The following AUTS2 variants were observed in gnomAD, a reference collection of about 807,000 sequenced individuals.
AUTS2 encodes autism susceptibility gene 2 protein.
Under a neutral mutation model 112.4 loss-of-function variants are expected in AUTS2, and 17 were observed. The ratio of observed to expected loss-of-function variants is 0.15; its 90% CI spans 0.10 to 0.23. The LOEUF is 0.23. Among genes scored for constraint, AUTS2 ranks in the 10% least tolerant of loss-of-function variants. The probability of loss-of-function intolerance (pLI) is 1.00; values close to 1 mark genes in which losing one functional copy is unlikely to be tolerated. For missense variants in AUTS2, 1,510 were observed against 1,701.6 expected (o/e 0.89, Z 1.98); for synonymous variants, 751 against 702.7 (o/e 1.07, Z -1.09).
intron 4 of AUTS2, among the ~76,000 whole-genome samples, chr7:70,242,738 C>T (rs1188313918): frequency 3.3e-5 from 5 of 152,120 alleles, no homozygotes; most frequent in African/African-American, 9.7e-5. Flanking sequence ...TGTGCACGTG[C>T]GCACATGTGA....
chr7:69,823,424 G>A (rs1204486790), intron 1 of AUTS2, among the ~76,000 whole-genome samples: 1 of 152,158 alleles, frequency 6.6e-6, no homozygotes. Flanking sequence ...CTTGAAAGGA[G>A]CCTGCTTGTT....
At chr7:69,940,400 C>T (rs1796581177) in intron 2 of AUTS2, among the ~76,000 whole-genome samples, 1 of 152,106 alleles carries the variant, frequency 6.6e-6, no homozygotes, top group African/African-American at 2.4e-5. Context: ...GGTGAGGGCT[C>T]ATGGACAAAA....
At chr7:70,079,833 T>A (rs1454313236) in intron 2 of AUTS2, among the ~76,000 whole-genome samples, 2 of 152,124 alleles carry the variant, frequency 1.3e-5, no homozygotes, top group Non-Finnish European at 2.9e-5. Flanking sequence ...GCAATAGAAG[T>A]TTATTTGGCA....
chr7:70,467,466 T>A (rs1797211039), intron 5 of AUTS2, among the ~76,000 whole-genome samples: 2 of 152,106 alleles, frequency 1.3e-5, no homozygotes, highest in South Asian at 2.1e-4. Context: ...GAGAAAGTAG[T>A]GTGTTTAGGT....
At chr7:69,665,069 G>T (rs983269717) in intron 1 of AUTS2, among the ~76,000 whole-genome samples, 1 of 152,142 alleles carries the variant, frequency 6.6e-6, no homozygotes, top group African/African-American at 2.4e-5. Context: ...GTAAAACAGG[G>T]TTGGTAAAAT....
intron 4 of AUTS2, among the ~76,000 whole-genome samples, chr7:70,147,660 G>A (rs1311061519): frequency 6.6e-6 from 1 of 152,064 alleles, no homozygotes; most frequent in Non-Finnish European, 1.5e-5. Context: ...TCATTTACAC[G>A]GGTGTACCAA....
intron 5 of AUTS2, among the ~76,000 whole-genome samples, chr7:70,461,339 C>T (rs1052491455): frequency 6.6e-6 from 1 of 152,010 alleles, no homozygotes; most frequent in African/African-American, 2.4e-5. Flanking sequence ...TTTGAACTTA[C>T]CCTCCCATTT....
chr7:70,535,342 C>T (rs1462727587), intron 5 of AUTS2, among the ~76,000 whole-genome samples: 1 of 152,010 alleles, frequency 6.6e-6, no homozygotes, highest in Non-Finnish European at 1.5e-5. Flanking sequence ...GAATAAGTAA[C>T]AATTCTGCAC....
intron 1 of AUTS2, among the ~76,000 whole-genome samples, chr7:69,703,677 TAAAC>T (rs1797925618): frequency 6.6e-6 from 1 of 152,164 alleles, no homozygotes; most frequent in African/African-American, 2.4e-5. Context: ...ACAGTCCACT[TAAAC>T]AATAAAATAG....
chr7:69,677,321 A>G (rs1796607069), intron 1 of AUTS2, among the ~76,000 whole-genome samples: 1 of 152,186 alleles, frequency 6.6e-6, no homozygotes, highest in African/African-American at 2.4e-5. Flanking sequence ...CAAGTTTTCC[A>G]GGGTCTTCAA....
chr7:69,815,259 G>A (rs947478103), intron 1 of AUTS2, among the ~76,000 whole-genome samples: 9 of 152,052 alleles, frequency 5.9e-5, no homozygotes, highest in East Asian at 1.9e-4. Flanking sequence ...GCACATAATC[G>A]AACACTTCTT....
intron 5 of AUTS2, among the ~76,000 whole-genome samples, chr7:70,579,700 A>G (rs1344965726): frequency 6.6e-6 from 1 of 152,158 alleles, no homozygotes; most frequent in Non-Finnish European, 1.5e-5. Flanking sequence ...GAGTCAAGCT[A>G]TTTAATGTGA....
chr7:70,572,561 G>C (rs1801992306), intron 5 of AUTS2, among the ~76,000 whole-genome samples: 1 of 152,104 alleles, frequency 6.6e-6, no homozygotes, highest in African/African-American at 2.4e-5. Flanking sequence ...AAATATTGTT[G>C]AGACAGCTTT....
chr7:69,838,869 A>G (rs988032692), intron 1 of AUTS2, among the ~76,000 whole-genome samples: 3 of 152,146 alleles, frequency 2.0e-5, no homozygotes, highest in Non-Finnish European at 4.4e-5. Context: ...TTTAGTCCCT[A>G]CAACAAGACT....
intron 2 of AUTS2, among the ~76,000 whole-genome samples, chr7:70,073,553 T>C (rs1035448688): frequency 6.6e-6 from 1 of 151,724 alleles, no homozygotes; most frequent in African/African-American, 2.4e-5. Context: ...CCTTGAGTAG[T>C]GGACATGGCC....
At chr7:69,842,638 G>T (rs1478508680) in intron 1 of AUTS2, among the ~76,000 whole-genome samples, 1 of 152,176 alleles carries the variant, frequency 6.6e-6, no homozygotes, top group Non-Finnish European at 1.5e-5. Flanking sequence ...AAACTCTCTA[G>T]CCCTAAACCA....
intron 1 of AUTS2, among the ~76,000 whole-genome samples, chr7:69,614,286 C>T (rs1412349484): frequency 7.2e-6 from 1 of 139,812 alleles, no homozygotes; most frequent in African/African-American, 2.8e-5. Context: ...AGTCAAGTTA[C>T]ACACTTCTCT....
intron 5 of AUTS2, among the ~76,000 whole-genome samples, chr7:70,452,912 C>T (rs1796591207): frequency 6.6e-6 from 1 of 152,102 alleles, no homozygotes; most frequent in African/African-American, 2.4e-5. Flanking sequence ...TTAGAGGAGG[C>T]TTTTAACTTA....
intron 5 of AUTS2, among the ~76,000 whole-genome samples, chr7:70,658,341 C>T (rs575487033): frequency 5.3e-5 from 8 of 152,340 alleles, no homozygotes; most frequent in African/African-American, 1.4e-4. Context: ...CCCCCCAACA[C>T]CACACTTGCA....
Sources: allele counts gnomAD v4.1 joint callset (sites outside exome capture counted in the v4.1 genomes callset), GRCh38; gene constraint gnomAD v4.1.1; transcripts MANE v1.5; gene names NCBI Gene and HGNC (gene_info 2026-07-23, HGNC 2026-07-21).